CAGE1: variants seen among roughly 807,000 people sequenced by gnomAD.
The protein encoded by CAGE1 is cancer-associated gene 1 protein.
CAGE1 carries 66 observed loss-of-function variants against 94.9 expected under a neutral mutation model. The ratio of observed to expected loss-of-function variants is 0.70; its 90% CI spans 0.57 to 0.85. The LOEUF is 0.85. Ranked by LOEUF, CAGE1 falls within the 40% of genes least tolerant of loss-of-function variation. The pLI, the probability that CAGE1 is intolerant of heterozygous loss-of-function variation, is 0.00. For synonymous variants in CAGE1, 319 were observed against 321.0 expected, an observed-to-expected ratio of 0.99 and a Z score of 0.07; for missense variants, 865 against 950.4, an observed-to-expected ratio of 0.91 and a Z score of 1.18.
rs745410714 is a variant in CAGE1 at position 7,339,033 on chromosome 6, T to C, written c.2370-4943A>G. 1.4e-5 allele frequency: 23 copies of C among 1,607,424 alleles called. No homozygotes were observed. The highest frequency in any genetic ancestry group is 1.6e-5 in the Non-Finnish European group (19 of 1,176,170). On this transcript the variant is annotated intron_variant, in intron 11 of 13. Coordinates refer to ENST00000502583, the MANE Select transcript of CAGE1 (RefSeq NM_001170692.2). This position sits in a 1 kb window ranked among gnomAD's most constrained non-coding sequence, Gnocchi z 4.7. ...CTTCACCTTGATGCCCAGCACACTC[T>C]GTCTGAGCAACACATGGCGCACAGC...
At chr6:7,333,674 ACATTT>A (rs1758846394) in intron 12 of CAGE1, among the ~76,000 whole-genome samples, 1 of 62,110 alleles carries the variant, frequency 1.6e-5, no homozygotes, top group Non-Finnish European at 2.9e-5. Context: ...ATATATATAT[ACATTT>A]TTTTTTTGAG....
intron 1 of CAGE1, 61 bp from the exon 2 acceptor site, chr6:7,387,257 T>C (rs1472620582): frequency 2.3e-6 from 2 of 867,524 alleles, no homozygotes; most frequent in Non-Finnish European, 3.5e-6. Flanking sequence ...CCTATCCCTC[T>C]TCTCATTAAG....
At chr6:7,334,543 A>G (rs916846638) in intron 11 of CAGE1, among the ~76,000 whole-genome samples, 1 of 152,074 alleles carries the variant, frequency 6.6e-6, no homozygotes. Context: ...AGCCTGGGCA[A>G]CATGGTGAAA....
At chr6:7,332,279 T>C (rs918473200) in intron 12 of CAGE1, among the ~76,000 whole-genome samples, 1 of 152,188 alleles carries the variant, frequency 6.6e-6, no homozygotes, top group African/African-American at 2.4e-5. Flanking sequence ...GCTGATTCTT[T>C]CTCTTTGGAG....
Position 7,373,371 on chromosome 6 carries a change from T to A in CAGE1, c.1448A>T (p.Glu483Val). The A allele has an allele frequency of 6.2e-7, 1 of 1,613,698 alleles. No homozygotes were observed. Among genetic ancestry groups the A allele is most frequent in the Non-Finnish European group, 8.5e-7 (1 of 1,179,748 alleles). The change falls in exon 5 of 14, where the codon GAG (glutamate) becomes GTG (valine). Residue 483 changes from glutamate to valine, a missense_variant. By Grantham distance (121) the Glu-to-Val change is moderately radical. Coordinates refer to ENST00000502583, the MANE Select transcript of CAGE1 (RefSeq NM_001170692.2). ...LKREKEAQEQ[E>V]FLSLQEEFQK... ...GAATTCCTCCTGTAAAGACAAGAAC[T>A]CTTGTTCTTGGGCCTCTTTTTCCCG...
Position 7,339,248 on chromosome 6 carries a change from G to C in CAGE1, c.2370-5158C>G. On this transcript the variant is annotated intron_variant, in intron 11 of 13. Coordinates refer to ENST00000502583, the MANE Select transcript of CAGE1 (RefSeq NM_001170692.2). The surrounding 1 kb of genome is among the most constrained non-coding windows in gnomAD (Gnocchi z 4.7). ...GCACAGCAAGCCCTCCTAGGAGTTT[G>C]TAAGGCAGAGACTCTGCCTGGGCAA... 6.3e-7 allele frequency: 1 copy of C among 1,580,752 alleles called. No homozygotes were observed. The highest frequency in any genetic ancestry group is 8.7e-7 in the Non-Finnish European group (1 of 1,151,000).
chr6:7,371,135 C>T (rs1760524360), intron 5 of CAGE1, among the ~76,000 whole-genome samples: 1 of 152,092 alleles, frequency 6.6e-6, no homozygotes, highest in African/African-American at 2.4e-5. Context: ...AAAGTGTGGT[C>T]CCAGGAGCAG....
intron 11 of CAGE1, among the ~76,000 whole-genome samples, chr6:7,345,438 C>T (rs929997895): frequency 6.6e-6 from 1 of 152,158 alleles, no homozygotes; most frequent in African/African-American, 2.4e-5. Context: ...TCTGTGGTTT[C>T]ATTCTTGAAG....
chr6:7,367,624 G>A (rs934148342), intron 7 of CAGE1, among the ~76,000 whole-genome samples: 1 of 152,116 alleles, frequency 6.6e-6, no homozygotes, highest in Non-Finnish European at 1.5e-5. Context: ...TTTGAAAGCT[G>A]TTTAGAGGAG....
chr6:7,356,342 T>G (rs1759952137), intron 9 of CAGE1, among the ~76,000 whole-genome samples: 1 of 152,230 alleles, frequency 6.6e-6, no homozygotes. Context: ...GGGTTTTACC[T>G]TTCCTCTTTA....
chr6:7,381,536 CT>C (rs35581180), intron 3 of CAGE1, among the ~76,000 whole-genome samples: 4,758 of 142,946 alleles, frequency 0.033, 224 homozygotes, highest in African/African-American at 0.11. Flanking sequence ...TATTACGTGC[CT>C]TTTTTTTTTT....
chr6:7,351,048 A>G (rs1466057599), intron 11 of CAGE1, among the ~76,000 whole-genome samples: 8 of 152,188 alleles, frequency 5.3e-5, no homozygotes, highest in African/African-American at 1.4e-4. Context: ...ATTGATAAAT[A>G]TAATTGAAGA....
chr6:7,387,267 G>A, intron 1 of CAGE1, 71 bp from the exon 2 acceptor site: 1 of 794,874 alleles, frequency 1.3e-6, no homozygotes, highest in Non-Finnish European at 2.0e-6. Context: ...TTCTCATTAA[G>A]AAAGTAGCAA....
intron 11 of CAGE1, among the ~76,000 whole-genome samples, chr6:7,334,924 T>C (rs1758898522): frequency 6.6e-6 from 1 of 152,144 alleles, no homozygotes; most frequent in South Asian, 2.1e-4. Context: ...TAAAACACCA[T>C]TTATTTTCTT....
At chr6:7,384,361 T>C (rs1010668882) in intron 3 of CAGE1, among the ~76,000 whole-genome samples, 1 of 152,254 alleles carries the variant, frequency 6.6e-6, no homozygotes. Context: ...CCTGCATGTA[T>C]TAAATTCCAT....
At chr6:7,380,693 A>G (rs1285462341) in intron 3 of CAGE1, among the ~76,000 whole-genome samples, 1 of 152,008 alleles carries the variant, frequency 6.6e-6, no homozygotes, top group East Asian at 1.9e-4. Flanking sequence ...GCTTAGCCAC[A>G]TATATACATA....
At chr6:7,333,253 T>A (rs894361743) in intron 12 of CAGE1, among the ~76,000 whole-genome samples, 2 of 152,100 alleles carry the variant, frequency 1.3e-5, no homozygotes, top group Non-Finnish European at 2.9e-5. Flanking sequence ...GCCCTGCCTA[T>A]ACTGCTGTGT....
chr6:7,365,321 T>C, intron 9 of CAGE1, 147 bp downstream of exon 9: 1 of 619,900 alleles, frequency 1.6e-6, no homozygotes, highest in Non-Finnish European at 2.8e-6. Context: ...CGATTCTATA[T>C]TATTGTGGGT....
In CAGE1 at chr6:7,373,474, C is replaced by T; in HGVS notation, c.1345G>A (p.Glu449Lys). 4 of 1,613,848 alleles carry T rather than the reference C, an allele frequency of 2.5e-6. No individual in the cohort carries two copies. The highest frequency in any genetic ancestry group is 2.5e-6 in the Non-Finnish European group (3 of 1,179,848). ...TGTTGTAGTCTCTCTACCTCTTCTT[C>T]TTTCTTGCTTAAGGTTTTGTCCATC... ...LEMDKTLSKK[E>K]EEVERLQQLK... The change falls in exon 5 of 14, where the codon GAA becomes AAA. Residue 449 changes from glutamate (E) to lysine (K), a missense_variant. Physicochemically the swap from Glu to Lys is moderately conservative, Grantham distance 56 (BLOSUM62 1). Transcript: ENST00000502583.
Sources: gnomAD v4.1 joint callset for allele counts (sites outside exome capture counted in the v4.1 genomes callset) on GRCh38, gnomAD v4.1.1 for gene constraint, Gnocchi (gnomAD v3.1) non-coding constraint, MANE v1.5 for transcripts, NCBI Gene and HGNC (gene_info 2026-07-23, HGNC 2026-07-21) for gene names.